The following BORCS5 variants were observed in gnomAD, a reference collection of about 807,000 sequenced individuals.
BORCS5 encodes the protein BLOC-1-related complex subunit 5.
Under a neutral mutation model 22.1 loss-of-function variants are expected in BORCS5, and 17 were observed. The ratio of observed to expected loss-of-function variants is 0.77; its 90% CI spans 0.53 to 1.15. BORCS5 has a LOEUF of 1.15. BORCS5 is among the 50% of genes most tolerant of loss of function. The probability of loss-of-function intolerance (pLI) is 0.00; values close to 1 mark genes in which losing one functional copy is unlikely to be tolerated. For missense variants in BORCS5, 247 were observed against 253.2 expected, an observed-to-expected ratio of 0.98 and a Z score of 0.17; for synonymous variants, 117 against 99.8, an observed-to-expected ratio of 1.17 and a Z score of -1.03.
chr12:12,393,330 C>T (rs1024719696), intron 2 of BORCS5, among the ~76,000 whole-genome samples: 7 of 152,018 alleles, frequency 4.6e-5, no homozygotes, highest in African/African-American at 1.7e-4. Flanking sequence ...AAACATGACA[C>T]CCAGAATACT....
chr12:12,464,548 G>A (rs1943165140), intron 3 of BORCS5, among the ~76,000 whole-genome samples: 1 of 152,132 alleles, frequency 6.6e-6, no homozygotes, highest in African/African-American at 2.4e-5. Flanking sequence ...GGGAACCTTG[G>A]GATAGGAGTG....
chr12:12,363,934 G>T (rs568813303), intron 2 of BORCS5, among the ~76,000 whole-genome samples: 2 of 151,748 alleles, frequency 1.3e-5, no homozygotes, highest in Non-Finnish European at 2.9e-5. Context: ...TTTCAACTTA[G>T]CCAAAACTTA....
At chr12:12,449,442 TG>T (rs1942862250) in intron 3 of BORCS5, among the ~76,000 whole-genome samples, 1 of 152,158 alleles carries the variant, frequency 6.6e-6, no homozygotes, top group African/African-American at 2.4e-5. Context: ...AGGCCTTTTG[TG>T]GGGAGGAGGT....
At chr12:12,360,567 ATTTTTTTTTT>A (rs35965943) in intron 1 of BORCS5, among the ~76,000 whole-genome samples, 2 of 89,230 alleles carry the variant, frequency 2.2e-5, no homozygotes, top group East Asian at 8.5e-4. Context: ...ATTAAAAGAA[ATTTTTTTTTT>A]TTTTTTTTTT....
At chr12:12,454,301 T>C (rs1314966287) in intron 3 of BORCS5, among the ~76,000 whole-genome samples, 1 of 152,250 alleles carries the variant, frequency 6.6e-6, no homozygotes, top group African/African-American at 2.4e-5. Context: ...TTACCAGCAA[T>C]GCACAGGGGT....
chr12:12,421,839 A>G (rs933027585), intron 2 of BORCS5, among the ~76,000 whole-genome samples: 4 of 152,166 alleles, frequency 2.6e-5, no homozygotes, highest in African/African-American at 9.7e-5. Flanking sequence ...TTATTTGTGT[A>G]GAAGTGTTTA....
At chr12:12,426,986 T>C (rs553516201) in intron 2 of BORCS5, among the ~76,000 whole-genome samples, 1 of 152,086 alleles carries the variant, frequency 6.6e-6, no homozygotes, top group Non-Finnish European at 1.5e-5. Flanking sequence ...ACCAGAGCAA[T>C]GATGACTGCC....
intron 2 of BORCS5, among the ~76,000 whole-genome samples, chr12:12,398,075 A>G (rs1410596315): frequency 6.6e-6 from 1 of 152,146 alleles, no homozygotes; most frequent in Non-Finnish European, 1.5e-5. Context: ...ATACATGTGT[A>G]TAGCGCTTTG....
intron 2 of BORCS5, among the ~76,000 whole-genome samples, chr12:12,426,517 G>A (rs1327279969): frequency 1.3e-5 from 2 of 152,214 alleles, no homozygotes; most frequent in Non-Finnish European, 2.9e-5. Flanking sequence ...CTCTGTTCTT[G>A]TTTCTTTGGT....
At chr12:12,385,047 A>G (rs1376732570) in intron 2 of BORCS5, among the ~76,000 whole-genome samples, 1 of 151,380 alleles carries the variant, frequency 6.6e-6, no homozygotes, top group Non-Finnish European at 1.5e-5. Context: ...TCATCTGTAA[A>G]TGGCTCTGCG....
At position 12,394,906 on chromosome 12, in the gene BORCS5, C is replaced by T. The variant is rs369961368; in HGVS notation, c.202+33557C>T. Among the ~76,000 whole-genome samples, 114 of 152,136 alleles carry T rather than the reference C, an allele frequency of 7.5e-4. 3 individuals are homozygous for T. The highest frequency in any genetic ancestry group is 2.5e-3 in the African/African-American group (104 of 41,454). On this transcript the variant is annotated intron_variant, in intron 2 of 3. Coordinates refer to ENST00000314565, the MANE Select transcript of BORCS5 (RefSeq NM_058169.6). ...TAACATCATCCACATATAGATAATG[C>T]TGAGCTACAGAGAGGTTAGACAACT...
At chr12:12,437,193 A>G (rs562268018) in intron 3 of BORCS5, among the ~76,000 whole-genome samples, 132 of 152,316 alleles carry the variant, frequency 8.7e-4, no homozygotes, top group African/African-American at 2.7e-3. Flanking sequence ...GGTCTTTCCC[A>G]TGCTGTTCGC....
chr12:12,446,047 T>G (rs1489380254), intron 3 of BORCS5, among the ~76,000 whole-genome samples: 3 of 152,156 alleles, frequency 2.0e-5, no homozygotes, highest in Non-Finnish European at 2.9e-5. Context: ...GGAATATGCC[T>G]CTGAGAACTT....
At chr12:12,454,218 A>G (rs1354912024) in intron 3 of BORCS5, among the ~76,000 whole-genome samples, 1 of 152,208 alleles carries the variant, frequency 6.6e-6, no homozygotes, top group Non-Finnish European at 1.5e-5. Flanking sequence ...TGCTGGCTGT[A>G]TAGTAACTTT....
chr12:12,465,675 G>T lies in BORCS5; in HGVS notation c.490G>T (p.Asp164Tyr), dbSNP rs199869851. The T allele has an allele frequency of 6.2e-6, 10 of 1,614,232 alleles. No homozygotes were observed. The highest frequency in any genetic ancestry group is 8.5e-6 in the Non-Finnish European group (10 of 1,180,044). The change falls in exon 4 of 4, where the codon GAC becomes TAC. Residue 164 changes from aspartate to tyrosine, a missense_variant. Transcript: ENST00000314565. ...AILRRIQMGI[D>Y]QTVPLLDRLN... ...CCTCCGCCGCATACAGATGGGCATC[G>T]ACCAGACTGTGCCCCTGCTGGACAG... is the stretch of plus-strand genomic sequence containing the variant.
rs118128455 is a variant in BORCS5, at chr12:12,465,607, A to G, written c.422A>G (p.Lys141Arg). ...CAGGAGCGCCAGAAAAGATACGCCA[A>G]GTATGCCGAGCAGATCCAGAAAGTG... ...FMQERQKRYA[K>R]YAEQIQKVNE... Residue 141 changes from lysine (K) to arginine (R), a missense_variant, in exon 4 of 4, where the codon AAG becomes AGG. Physicochemically the swap from Lys to Arg is conservative, Grantham distance 26. Coordinates refer to ENST00000314565, the MANE Select transcript of BORCS5 (RefSeq NM_058169.6). The G allele has an allele frequency of 1.4e-3, 2,300 of 1,614,262 alleles. 2 individuals are homozygous for G. The highest frequency in any genetic ancestry group is 1.7e-3 in the Non-Finnish European group (2,030 of 1,180,038).
chr12:12,446,806 C>T (rs1329271033), intron 3 of BORCS5, among the ~76,000 whole-genome samples: 1 of 152,208 alleles, frequency 6.6e-6, no homozygotes, highest in African/African-American at 2.4e-5. Context: ...TTGCTGGAAA[C>T]TGCCCATGAC....
chr12:12,418,471 A>C (rs1224364751), intron 2 of BORCS5, among the ~76,000 whole-genome samples: 1 of 152,200 alleles, frequency 6.6e-6, no homozygotes, highest in East Asian at 1.9e-4. Context: ...GGATCACTTG[A>C]GGCAGAAGTT....
rs571499374 is a variant in BORCS5, at chr12:12,357,141, G to A, written c.-311G>A. ...CCAGTGAGTGAAAGCGGCGCCGCCC[G>A]CCGGCCGCAGGTGCGGCAAAGCCAG... On this transcript the variant is annotated 5_prime_UTR_variant, in exon 1 of 4. Transcript: ENST00000314565. The A allele has an allele frequency of 1.8e-3, 2,770 of 1,533,356 alleles. 19 individuals are homozygous for A. The highest frequency in any genetic ancestry group is 4.3e-3 in the South Asian group (358 of 83,928). 95.0% of individuals were successfully genotyped at this position (1,533,356 alleles called of 1,614,324 possible).
Sources: gnomAD v4.1 joint callset for allele counts (sites outside exome capture counted in the v4.1 genomes callset) on GRCh38, gnomAD v4.1.1 for gene constraint, MANE v1.5 for transcripts, NCBI Gene and HGNC (gene_info 2026-07-23, HGNC 2026-07-21) for gene names.